GPRC5A: variants seen among roughly 807,000 people sequenced by gnomAD.
GPRC5A encodes the protein retinoic acid-induced protein 3.
In GPRC5A, 19 loss-of-function variants were observed where a neutral mutation model predicts 22.5. The observed-to-expected ratio is 0.85, with a 90% confidence interval of 0.59 to 1.24. The LOEUF (loss-of-function observed/expected upper bound fraction) is 1.24, where lower values mean the gene tolerates loss of function less well. GPRC5A is among the 50% of genes most tolerant of loss of function. The probability of loss-of-function intolerance (pLI) is 0.00; values close to 1 mark genes in which losing one functional copy is unlikely to be tolerated. For missense variants in GPRC5A, 471 were observed against 451.1 expected (o/e 1.04, Z -0.40); for synonymous variants, 192 against 184.5 (o/e 1.04, Z -0.33).
At position 12,909,175 on chromosome 12, in the gene GPRC5A, C is replaced by T; in HGVS notation, c.922+4C>T. 6.4e-7 allele frequency: 1 copy of T among 1,556,450 alleles called. No homozygotes were observed. Reference sequence around the variant, plus strand: ...TCTCAAGAGGAAATCACTCAAGGTACAGATGCAGCCTGGCTAGGCAGAGAA... The same window carrying T: ...TCTCAAGAGGAAATCACTCAAGGTATAGATGCAGCCTGGCTAGGCAGAGAA... On this transcript the variant is annotated splice_donor_region_variant and intron_variant, in intron 2 of 3. Coordinates refer to ENST00000014914, the MANE Select transcript of GPRC5A (RefSeq NM_003979.4).
Position 12,916,711 on chromosome 12 carries a change from C to A in GPRC5A, c.*4172C>A, listed in dbSNP as rs1001034025. The A allele has an allele frequency of 3.3e-5, 5 of 152,146 alleles. No homozygotes were observed. The highest frequency in any genetic ancestry group is 1.3e-4 in the Admixed American group (2 of 15,264). 9.4% of individuals were successfully genotyped at this position (152,146 alleles called of 1,614,324 possible). On this transcript the variant is annotated 3_prime_UTR_variant, in exon 4 of 4. Transcript: ENST00000014914. ...TCCAATCTGGCATCTTTACGGAGAG[C>A]GGTCTCATATGCTATTGTTGTTAAC...
intron 2 of GPRC5A, chr12:12,909,948 A>G (rs1178315852): frequency 1.3e-5 from 2 of 150,814 alleles, no homozygotes; most frequent in Admixed American, 6.6e-5. Flanking sequence ...AAAAAAAAAA[A>G]AAAAAAAAAA....
At chr12:12,910,983 G>A (rs1213342839) in intron 2 of GPRC5A, among the ~76,000 whole-genome samples, 1 of 150,890 alleles carries the variant, frequency 6.6e-6, no homozygotes, top group Admixed American at 6.6e-5. Flanking sequence ...CAATTCTCCT[G>A]CCTCAGCCTC....
In GPRC5A at chr12:12,898,291, G is replaced by C. The variant is rs1021403206; in HGVS notation, c.-8+6627G>C. Among the ~76,000 whole-genome samples the C allele has an allele frequency of 1.7e-4, 26 of 152,200 alleles. 1 individual carries two copies. The highest frequency in any genetic ancestry group is 6.5e-5 in the Admixed American group (1 of 15,288). ...CTTGTGCCTGTAATCCCAGTACTTT[G>C]GGAGGCCGAGGCGGGCAGATCACCT... On this transcript the variant is annotated intron_variant, in intron 1 of 3. Transcript: ENST00000014914.
intron 1 of GPRC5A, among the ~76,000 whole-genome samples, chr12:12,893,802 G>A (rs1445093773): frequency 1.3e-5 from 2 of 152,166 alleles, no homozygotes; most frequent in Non-Finnish European, 2.9e-5. Context: ...TGCCCAGGCT[G>A]GAGCGCAGTG....
At chr12:12,912,233 G>A (rs1864012967) in intron 3 of GPRC5A, 91 bp downstream of exon 3, 2 of 1,017,342 alleles carry the variant, frequency 2.0e-6, no homozygotes, top group African/African-American at 1.6e-5. Flanking sequence ...CTTTCTCATG[G>A]CCCCTAGATG....
chr12:12,897,849 A>G (rs2136456150), intron 1 of GPRC5A, among the ~76,000 whole-genome samples: 1 of 152,022 alleles, frequency 6.6e-6, no homozygotes, highest in East Asian at 1.9e-4. Context: ...ACCTCAGGTG[A>G]TCTACCCGCC....
chr12:12,905,204 G>C (rs1360651662), intron 1 of GPRC5A, among the ~76,000 whole-genome samples: 1 of 152,134 alleles, frequency 6.6e-6, no homozygotes, highest in Non-Finnish European at 1.5e-5. Flanking sequence ...TTTCCGAGCT[G>C]TTTTTTCTGC....
At chr12:12,911,444 C>T (rs1355859543) in intron 2 of GPRC5A, among the ~76,000 whole-genome samples, 1 of 151,988 alleles carries the variant, frequency 6.6e-6, no homozygotes, top group East Asian at 1.9e-4. Context: ...AGGTACACCC[C>T]TGGCCAGATC....
chr12:12,897,609 C>CTTTT, intron 1 of GPRC5A, among the ~76,000 whole-genome samples: 1 of 134,126 alleles, frequency 7.5e-6, no homozygotes, highest in Non-Finnish European at 1.6e-5. Context: ...GAATACGCTT[C>CTTTT]TTTTTTTTTT....
At chr12:12,908,197 A>C in intron 1 of GPRC5A, 46 bp from the exon 2 acceptor site, 3 of 1,234,806 alleles carry the variant, frequency 2.4e-6, no homozygotes, top group South Asian at 1.4e-5. Context: ...GGACTGTGTT[A>C]GGAGATTCAA....
chr12:12,906,847 C>A (rs850934), intron 1 of GPRC5A, among the ~76,000 whole-genome samples: 2 of 151,712 alleles, frequency 1.3e-5, no homozygotes, highest in Non-Finnish European at 2.9e-5. Context: ...AACCTGAGGT[C>A]GGGAGTTTGA....
chr12:12,899,383 T>C (rs959289773), intron 1 of GPRC5A, among the ~76,000 whole-genome samples: 2 of 152,070 alleles, frequency 1.3e-5, no homozygotes, highest in African/African-American at 4.8e-5. Context: ...AATGCTTGAA[T>C]ATATGGTGGT....
chr12:12,899,115 AGTT>A (rs746359513), intron 1 of GPRC5A, among the ~76,000 whole-genome samples: 1 of 152,188 alleles, frequency 6.6e-6, no homozygotes, highest in East Asian at 1.9e-4. Flanking sequence ...TGCAGCCTCG[AGTT>A]CCTGGGCTCA....
chr12:12,899,084 A>G (rs940158891), intron 1 of GPRC5A, among the ~76,000 whole-genome samples: 3 of 152,134 alleles, frequency 2.0e-5, no homozygotes, highest in Non-Finnish European at 2.9e-5. Context: ...GCTGGAGTGC[A>G]ATGGCATGAT....
intron 1 of GPRC5A, among the ~76,000 whole-genome samples, chr12:12,905,009 C>T (rs1325495060): frequency 2.0e-5 from 3 of 151,744 alleles, no homozygotes; most frequent in Non-Finnish European, 4.4e-5. Flanking sequence ...CTCAGCCTCC[C>T]GAGTAGCTGG....
intron 2 of GPRC5A, chr12:12,909,791 T>C (rs774830180): frequency 3.3e-5 from 5 of 152,208 alleles, no homozygotes; most frequent in Non-Finnish European, 7.3e-5. Flanking sequence ...CAGATCATAT[T>C]TGACATACAA....
chr12:12,899,185 A>C (rs1309344306), intron 1 of GPRC5A, among the ~76,000 whole-genome samples: 1 of 151,982 alleles, frequency 6.6e-6, no homozygotes. Context: ...ATCCTGGCTA[A>C]ATTAGCACCC....
At chr12:12,902,516 A>G (rs1347970546) in intron 1 of GPRC5A, among the ~76,000 whole-genome samples, 1 of 152,082 alleles carries the variant, frequency 6.6e-6, no homozygotes, top group East Asian at 1.9e-4. Flanking sequence ...TAATCCCAGC[A>G]CTTTGGGAGG....
Sources: gnomAD v4.1 joint callset for allele counts (sites outside exome capture counted in the v4.1 genomes callset) on GRCh38, gnomAD v4.1.1 for gene constraint, MANE v1.5 for transcripts, NCBI Gene and HGNC (gene_info 2026-07-23, HGNC 2026-07-21) for gene names.